Variants in WDR93 observed in about 807,000 individuals in gnomAD.
WDR93 encodes the protein WD repeat-containing protein 93.
Under a neutral mutation model 82.9 loss-of-function variants are expected in WDR93, and 73 were observed. The observed-to-expected ratio is 0.88, with a 90% CI of 0.73 to 1.07. The LOEUF is 1.07. Ranked by LOEUF, WDR93 falls within the 50% of genes least tolerant of loss-of-function variation. The probability of loss-of-function intolerance (pLI) is 0.00; values close to 1 mark genes in which losing one functional copy is unlikely to be tolerated. For missense variants in WDR93, 738 were observed against 826.0 expected (o/e 0.89, Z 1.31); for synonymous variants, 283 against 300.1 (o/e 0.94, Z 0.59).
chr15:89,704,170 C>CAAAAAAAAAA (rs57077770), intron 3 of WDR93: 2 of 130,624 alleles, frequency 1.5e-5, no homozygotes. Context: ...ACGAAAAATA[C>CAAAAAAAAAA]AAAAAAAAAA....
At chr15:89,742,030 C>T (rs1396310986) in intron 16 of WDR93, among the ~76,000 whole-genome samples, 2 of 152,216 alleles carry the variant, frequency 1.3e-5, no homozygotes, top group South Asian at 2.1e-4. Flanking sequence ...GGATTACAGG[C>T]ATGAGCCATC....
chr15:89,707,594 AAAAT>A (rs1349531235), intron 4 of WDR93, among the ~76,000 whole-genome samples: 1 of 147,204 alleles, frequency 6.8e-6, no homozygotes, highest in Non-Finnish European at 1.5e-5. Context: ...ACACAAATAA[AAAAT>A]AAAACAACAA....
Position 89,724,320 on chromosome 15 carries a change from C to T in WDR93, c.880+2181C>T, listed in dbSNP as rs151315746. 4.7e-3 allele frequency among the ~76,000 whole-genome samples: 715 copies of T among 151,882 alleles called. 3 individuals are homozygous for T. Among genetic ancestry groups the T allele is most frequent in the African/African-American group, 0.016 (662 of 41,408 alleles). On this transcript the variant is annotated intron_variant, in intron 8 of 16. Coordinates refer to ENST00000268130, the MANE Select transcript of WDR93 (RefSeq NM_020212.2). ...TCGCACCATTGCACTCCTGCCTGGGCGACACAGCGAGCGAGAACCTGTCTC... is the reference window on the plus strand; with the variant it reads ...TCGCACCATTGCACTCCTGCCTGGGTGACACAGCGAGCGAGAACCTGTCTC...
Position 89,738,164 on chromosome 15 carries a change from G to A in WDR93, c.1889G>A (p.Arg630Lys). 2 of 1,614,204 alleles carry A rather than the reference G, an allele frequency of 1.2e-6. No homozygotes were observed. Among genetic ancestry groups the A allele is most frequent in the Non-Finnish European group, 1.7e-6 (2 of 1,180,028 alleles). ...TCAAAAAATTGTACCATTCCTCAAA[G>A]GGACTTGGATAACATGGCCTTCCCC... is the stretch of plus-strand genomic sequence containing the variant. The part of the protein sequence containing the change: ...NISKNCTIPQ[R>K]DLDNMAFPQA... The change falls in exon 16 of 17, where the codon AGG becomes AAG. Residue 630 changes from arginine (R) to lysine (K), a missense_variant. By Grantham distance (26) the Arg-to-Lys change is conservative (BLOSUM62 2). Coordinates refer to ENST00000268130, the MANE Select transcript of WDR93 (RefSeq NM_020212.2).
intron 8 of WDR93, among the ~76,000 whole-genome samples, chr15:89,725,724 G>A (rs1001163280): frequency 6.6e-6 from 1 of 151,930 alleles, no homozygotes; most frequent in African/African-American, 2.4e-5. Context: ...CATCAGGCCT[G>A]GCTAATTTTT....
intron 7 of WDR93, among the ~76,000 whole-genome samples, chr15:89,719,058 T>A (rs189322457): frequency 6.6e-5 from 10 of 152,332 alleles, no homozygotes; most frequent in Admixed American, 2.6e-4. Context: ...TGCATTTTTT[T>A]ACTCATCAAT....
chr15:89,696,521 G>A (rs1268177048), intron 1 of WDR93, among the ~76,000 whole-genome samples: 1 of 151,942 alleles, frequency 6.6e-6, no homozygotes, highest in Non-Finnish European at 1.5e-5. Flanking sequence ...TTGAGACAGG[G>A]CCTCACTCTG....
intron 11 of WDR93, among the ~76,000 whole-genome samples, chr15:89,730,046 T>C (rs114006822): frequency 1.2e-3 from 178 of 152,312 alleles, no homozygotes; most frequent in African/African-American, 4.0e-3. Flanking sequence ...TAAGCTTGGC[T>C]GGGCGCAATG....
At chr15:89,718,559 G>A (rs1340925727) in intron 7 of WDR93, among the ~76,000 whole-genome samples, 1 of 152,082 alleles carries the variant, frequency 6.6e-6, no homozygotes, top group Non-Finnish European at 1.5e-5. Flanking sequence ...GCCCTGGAGT[G>A]GAGGCTGCAG....
At chr15:89,701,135 A>G (rs374238307) in intron 1 of WDR93, among the ~76,000 whole-genome samples, 6 of 152,152 alleles carry the variant, frequency 3.9e-5, no homozygotes, top group African/African-American at 1.2e-4. Flanking sequence ...ATTTTGGTCA[A>G]TTCTTTTTTT....
chr15:89,699,035 T>A (rs11639409), intron 1 of WDR93, among the ~76,000 whole-genome samples: 39 of 151,826 alleles, frequency 2.6e-4, no homozygotes, highest in South Asian at 1.5e-3. Context: ...TTAAAAAAAA[T>A]TTTTTTTATA....
intron 11 of WDR93, among the ~76,000 whole-genome samples, chr15:89,730,207 C>T (rs1966848002): frequency 1.3e-5 from 2 of 151,986 alleles, no homozygotes; most frequent in Non-Finnish European, 2.9e-5. Context: ...CGCCTGTAAT[C>T]TCAGCTACTT....
Position 89,701,794 on chromosome 15 carries a change from T to C in WDR93, c.48T>C (p.Ile16=), listed in dbSNP as rs1965476843. The C allele has an allele frequency of 6.2e-7, 1 of 1,613,942 alleles. No homozygotes were observed. The highest frequency in any genetic ancestry group is 1.3e-5 in the African/African-American group (1 of 74,916). Residue 16 remains isoleucine (I), a synonymous_variant, in exon 2 of 17, where the codon ATT becomes ATC. Coordinates refer to ENST00000268130, the MANE Select transcript of WDR93 (RefSeq NM_020212.2). The part of the protein sequence containing the change: ...GSQTQKIKHP[I]GTRKGPLEVP... ...AGACCCAGAAAATAAAGCACCCCAT[T>C]GGTACACGAAAGGGACCATTGGAGG...
rs1300561952 is a variant in WDR93, at chr15:89,690,824, T to C, written c.-74T>C. 1.8e-6 allele frequency: 1 copy of C among 561,176 alleles called. No homozygotes were observed. Among genetic ancestry groups the C allele is most frequent in the Non-Finnish European group, 3.2e-6 (1 of 315,342 alleles). 34.8% of individuals were successfully genotyped at this position (561,176 alleles called of 1,614,324 possible). ...GACTTCCGGTTCAAGCCGGAAGTTG[T>C]GGTTACCAAGGCGACGCAACGCCGC... On this transcript the variant is annotated 5_prime_UTR_variant, in exon 1 of 17. Coordinates refer to ENST00000268130, the MANE Select transcript of WDR93 (RefSeq NM_020212.2).
chr15:89,722,850 TA>T (rs11339600), intron 8 of WDR93, among the ~76,000 whole-genome samples: 64,385 of 149,314 alleles, frequency 0.43, 14,285 homozygotes, highest in African/African-American at 0.51. Flanking sequence ...TAGTTACGAT[TA>T]AAAAAAAAAA....
chr15:89,729,621 G>T, intron 10 of WDR93, 62 bp from the exon 11 acceptor site: 1 of 1,344,348 alleles, frequency 7.4e-7, no homozygotes, highest in South Asian at 1.2e-5. Flanking sequence ...GCAAACCAAA[G>T]GCCACCCAGA....
intron 4 of WDR93, among the ~76,000 whole-genome samples, chr15:89,708,076 GA>G (rs907148115): frequency 2.6e-5 from 4 of 152,150 alleles, no homozygotes; most frequent in African/African-American, 4.8e-5. Context: ...TAAAACTGTA[GA>G]AAATGCAAAC....
At chr15:89,736,366 A>G (rs1967173663) in intron 14 of WDR93, among the ~76,000 whole-genome samples, 1 of 152,080 alleles carries the variant, frequency 6.6e-6, no homozygotes, top group Non-Finnish European at 1.5e-5. Context: ...CCCCCAGGGG[A>G]GGCTCCAAGA....
At position 89,702,880 on chromosome 15, in the gene WDR93, C is replaced by T. The variant is rs1965538280; in HGVS notation, c.304-70C>T. Reference sequence around the variant, plus strand: ...ATCTAGGAAGGGCCCCTGAATGTCTCTGAGAAGCTAACTCATAATATTTGA... The same window carrying T: ...ATCTAGGAAGGGCCCCTGAATGTCTTTGAGAAGCTAACTCATAATATTTGA... On this transcript the variant is annotated intron_variant, in intron 2 of 16. Transcript: ENST00000268130. 59 of 1,502,926 alleles carry T rather than the reference C, an allele frequency of 3.9e-5. No homozygotes were observed. In the South Asian group the frequency reaches 7.1e-4, roughly 18 times the overall value. The allele number at this position is 1,502,926 out of a possible 1,614,324, so 93.1% of individuals were successfully genotyped here.
Sources: gnomAD v4.1 joint callset for allele counts (sites outside exome capture counted in the v4.1 genomes callset) on GRCh38, gnomAD v4.1.1 for gene constraint, MANE v1.5 for transcripts, NCBI Gene and HGNC (gene_info 2026-07-23, HGNC 2026-07-21) for gene names.